Variants in GRIK2 observed in about 807,000 individuals in gnomAD.
GRIK2 encodes the protein glutamate receptor ionotropic, kainate 2.
Under a neutral mutation model 100.3 loss-of-function variants are expected in GRIK2, and 32 were observed. The ratio of observed to expected loss-of-function variants is 0.32; its 90% CI spans 0.24 to 0.43. The LOEUF is 0.43. GRIK2 is among the 20% of genes least tolerant of loss of function. GRIK2 has a pLI of 1.00. For missense variants in GRIK2, 843 were observed against 1,114.9 expected, an observed-to-expected ratio of 0.76 and a Z score of 3.47; for synonymous variants, 417 against 389.4, an observed-to-expected ratio of 1.07 and a Z score of -0.83.
Position 101,626,568 on chromosome 6 carries a change from C to G in GRIK2, c.472C>G (p.Arg158Gly). ...SLYPDFSSLS[R>G]AILDLVQFFK... Reference sequence around the variant, plus strand: ...CTACCCAGACTTCTCTTCACTCAGCCGTGCCATTTTAGACCTGGTGCAGTT... The same window carrying G: ...CTACCCAGACTTCTCTTCACTCAGCGGTGCCATTTTAGACCTGGTGCAGTT... The change falls in exon 4 of 17, where the codon CGT becomes GGT. Residue 158 changes from arginine (R) to glycine (G), a missense_variant. This residue lies in a region of GRIK2 where 519 missense variants were observed against 643.8 expected (regional missense o/e 0.81). Transcript: ENST00000369134. The G allele has an allele frequency of 6.2e-7, 1 of 1,613,722 alleles. No homozygotes were observed. The highest frequency in any genetic ancestry group is 1.1e-5 in the South Asian group (1 of 91,074).
chr6:101,902,449 C>T (rs758579622), intron 12 of GRIK2, among the ~76,000 whole-genome samples: 6 of 151,790 alleles, frequency 4.0e-5, no homozygotes, highest in Non-Finnish European at 8.8e-5. Context: ...ATTACAACCT[C>T]GGAAACAATT....
chr6:102,030,951 T>G (rs1769953084), intron 14 of GRIK2, among the ~76,000 whole-genome samples: 1 of 151,160 alleles, frequency 6.6e-6, no homozygotes, highest in South Asian at 2.1e-4. Flanking sequence ...CTTTCTCCCC[T>G]AAAATTTGAT....
chr6:101,730,914 T>G (rs143177999), intron 7 of GRIK2, among the ~76,000 whole-genome samples: 1 of 151,932 alleles, frequency 6.6e-6, no homozygotes, highest in East Asian at 1.9e-4. Context: ...TGTTTTGAGT[T>G]TGAAGTGTTA....
chr6:101,586,835 A>G (rs1476517111), intron 2 of GRIK2, among the ~76,000 whole-genome samples: 1 of 147,868 alleles, frequency 6.8e-6, no homozygotes, highest in Non-Finnish European at 1.5e-5. Context: ...GTTTGCAGTG[A>G]GCCGAGATCC....
chr6:101,740,021 G>A (rs563782790), intron 7 of GRIK2, among the ~76,000 whole-genome samples: 6 of 152,196 alleles, frequency 3.9e-5, no homozygotes, highest in East Asian at 1.9e-4. Context: ...CCTGCCCTCC[G>A]CAGAATCAAC....
chr6:102,010,987 C>T (rs969518465), intron 14 of GRIK2, among the ~76,000 whole-genome samples: 2 of 152,060 alleles, frequency 1.3e-5, no homozygotes, highest in African/African-American at 4.8e-5. Flanking sequence ...AATAAAGCTG[C>T]TGTAAACATT....
intron 2 of GRIK2, among the ~76,000 whole-genome samples, chr6:101,451,835 T>C (rs1770709860): frequency 6.6e-6 from 1 of 151,694 alleles, no homozygotes; most frequent in South Asian, 2.1e-4. Flanking sequence ...TTAGAGACTT[T>C]ATTTTGTGCT....
At chr6:101,668,389 T>C (rs1344948600) in intron 4 of GRIK2, among the ~76,000 whole-genome samples, 1 of 152,152 alleles carries the variant, frequency 6.6e-6, no homozygotes, top group Non-Finnish European at 1.5e-5. Flanking sequence ...ATTTTCTCAT[T>C]ATAGTTAGCT....
At chr6:101,516,411 C>T (rs2579941) in intron 2 of GRIK2, among the ~76,000 whole-genome samples, 92,817 of 151,768 alleles carry the variant, frequency 0.61, 29,552 homozygotes, top group African/African-American at 0.79. Context: ...TGGAACAGAA[C>T]AGAGAACCAG....
intron 14 of GRIK2, among the ~76,000 whole-genome samples, chr6:101,995,142 A>G (rs1794584082): frequency 6.6e-6 from 1 of 151,940 alleles, no homozygotes; most frequent in African/African-American, 2.4e-5. Context: ...GTAGTTCCAA[A>G]CTACTCAGGT....
chr6:102,055,604 A>T (rs540659751), intron 16 of GRIK2, 24 bp downstream of exon 16: 1 of 1,559,058 alleles, frequency 6.4e-7, no homozygotes, highest in Non-Finnish European at 8.8e-7. Flanking sequence ...GTTTCAGTTT[A>T]AATTTAAAAC....
chr6:101,574,345 TATATA>T (rs1233014740), intron 2 of GRIK2, among the ~76,000 whole-genome samples: 4 of 147,472 alleles, frequency 2.7e-5, no homozygotes, highest in Admixed American at 6.8e-5. Context: ...TAAATAAAAA[TATATA>T]ATTATATATA....
intron 10 of GRIK2, among the ~76,000 whole-genome samples, chr6:101,854,573 T>TA (rs911555138): frequency 4.6e-5 from 7 of 151,156 alleles, no homozygotes; most frequent in South Asian, 2.1e-4. Flanking sequence ...GTCTATCACT[T>TA]AAAAAAAAAG....
intron 7 of GRIK2, among the ~76,000 whole-genome samples, chr6:101,723,798 G>A (rs1417316403): frequency 1.3e-5 from 2 of 152,130 alleles, no homozygotes; most frequent in African/African-American, 4.8e-5. Flanking sequence ...AAGACAGCTA[G>A]TGGAGAATTT....
intron 7 of GRIK2, among the ~76,000 whole-genome samples, chr6:101,730,754 AAG>A (rs1182831747): frequency 1.3e-4 from 20 of 151,760 alleles, no homozygotes; most frequent in African/African-American, 3.6e-4. Context: ...AGAGAAAAGA[AAG>A]AGAGAGGAAC....
At chr6:101,528,463 A>AT (rs889308067) in intron 2 of GRIK2, among the ~76,000 whole-genome samples, 49 of 151,664 alleles carry the variant, frequency 3.2e-4, no homozygotes, top group African/African-American at 1.1e-3. Context: ...TGAGCTAGCA[A>AT]TTTTTTTTTG....
chr6:101,966,003 G>A (rs760620640), intron 14 of GRIK2, among the ~76,000 whole-genome samples: 9 of 152,012 alleles, frequency 5.9e-5, no homozygotes, highest in Non-Finnish European at 1.3e-4. Flanking sequence ...ATAGAAACTA[G>A]TATATAACCA....
In GRIK2 at chr6:101,708,585, C is replaced by G. The variant is rs570176428; in HGVS notation, c.951+22232C>G. On this transcript the variant is annotated intron_variant, in intron 7 of 16. Coordinates refer to ENST00000369134, the MANE Select transcript of GRIK2 (RefSeq NM_021956.5). The stretch of plus-strand genomic sequence containing the variant: ...AATTACTACAATATATGGGCATATG[C>G]TAATTTACTGATAAATATGTTGATT... Among the ~76,000 whole-genome samples, 81 of 151,706 alleles carry G rather than the reference C, an allele frequency of 5.3e-4. No homozygotes were observed. The Middle Eastern group carries it at 0.01, about 19-fold the overall frequency.
At chr6:101,924,551 T>C (rs113961601) in intron 12 of GRIK2, 50 bp from the exon 13 acceptor site, 93 of 941,210 alleles carry the variant, frequency 9.9e-5, no homozygotes, top group Non-Finnish European at 1.5e-4. Flanking sequence ...TGGATAGAAT[T>C]TCTTCCCACT....
Sources: gnomAD v4.1 joint callset for allele counts (sites outside exome capture counted in the v4.1 genomes callset) on GRCh38, gnomAD v4.1.1 for gene constraint, gnomAD v4.1.1 regional missense constraint, MANE v1.5 for transcripts, NCBI Gene and HGNC (gene_info 2026-07-23, HGNC 2026-07-21) for gene names.